The following DOK7 variants were observed in gnomAD, a reference collection of about 807,000 sequenced individuals.
DOK7 encodes docking protein 7.
In DOK7, 32 loss-of-function variants were observed where a neutral mutation model predicts 30.7. The ratio of observed to expected loss-of-function variants is 1.04; its 90% confidence interval spans 0.79 to 1.40. DOK7 has a LOEUF of 1.40. Ranked by LOEUF, DOK7 falls within the 40% of genes most tolerant of loss-of-function variation. DOK7 has a pLI of 0.00. For synonymous variants in DOK7, 447 were observed against 324.1 expected, an observed-to-expected ratio of 1.38 and a Z score of -4.07; for missense variants, 1,007 against 699.2, an observed-to-expected ratio of 1.44 and a Z score of -4.97.
At chr4:3,490,609 T>TGCTCATTCATTCCTTCCTCTGCTCCCCCC (rs1728277709) in intron 6 of DOK7, among the ~76,000 whole-genome samples, 1 of 130,640 alleles carries the variant, frequency 7.7e-6, no homozygotes, top group Non-Finnish European at 1.6e-5. Context: ...CTTCTCTCCC[T>TGCTCATTCATTCCTTCCTCTGCTCCCCCC]GCTCGTTCAT....
At chr4:3,471,938 T>C (rs1349895164) in intron 2 of DOK7, among the ~76,000 whole-genome samples, 1 of 152,264 alleles carries the variant, frequency 6.6e-6, no homozygotes, top group African/African-American at 2.4e-5. Context: ...CACCACGCCT[T>C]GCTTTTGTGA....
intron 6 of DOK7, among the ~76,000 whole-genome samples, chr4:3,499,590 G>C (rs572608816): frequency 6.6e-6 from 1 of 152,216 alleles, no homozygotes; most frequent in Admixed American, 6.5e-5. Context: ...CTCCTGCTCT[G>C]CCCTCCCCAG....
At chr4:3,475,112 G>T (rs1726987550) in intron 3 of DOK7, among the ~76,000 whole-genome samples, 1 of 152,236 alleles carries the variant, frequency 6.6e-6, no homozygotes, top group Non-Finnish European at 1.5e-5. Flanking sequence ...GAAGCTGGGG[G>T]CTTAGTGGGA....
At chr4:3,485,727 G>T (rs1727738574) in intron 5 of DOK7, 69 bp downstream of exon 5, 1 of 1,413,696 alleles carries the variant, frequency 7.1e-7, no homozygotes, top group Non-Finnish European at 9.3e-7. Context: ...CGGGGCGGGG[G>T]GCCACAGTGA....
Position 3,493,054 on chromosome 4 carries a change from G to A in DOK7, c.1068G>A (p.Ala356=), listed in dbSNP as rs372407972. The change falls in exon 7 of 7, where the codon GCG becomes GCA. Residue 356 remains alanine (A), a synonymous_variant. Coordinates refer to ENST00000340083, the MANE Select transcript of DOK7 (RefSeq NM_173660.5). ...ACTCCAGCAGCCTCTCGTCCTACGC[G>A]GGCAGCAGCCTGGACGTGTGGCGGG... The part of the protein sequence containing the change: ...SSYSSSLSSY[A]GSSLDVWRAT... 67 of 1,574,598 alleles carry A rather than the reference G, an allele frequency of 4.3e-5. No homozygotes were observed. Among genetic ancestry groups the A allele is most frequent in the East Asian group, 9.2e-5 (4 of 43,290 alleles).
chr4:3,495,576 C>T (rs547755888), downstream of DOK7, among the ~76,000 whole-genome samples: 99 of 152,374 alleles, frequency 6.5e-4, 1 homozygote, highest in South Asian at 0.017. Flanking sequence ...CCGGCCACCG[C>T]CTGCTACGGC....
chr4:3,488,945 G>C (rs571074100), intron 5 of DOK7, among the ~76,000 whole-genome samples: 1 of 152,248 alleles, frequency 6.6e-6, no homozygotes, highest in African/African-American at 2.4e-5. Flanking sequence ...CAGCATGGGC[G>C]GGGGCTTGGG....
intron 4 of DOK7, among the ~76,000 whole-genome samples, chr4:3,479,507 C>G (rs1354974540): frequency 1.3e-5 from 2 of 152,248 alleles, no homozygotes; most frequent in African/African-American, 4.8e-5. Context: ...TGGGAAGGCC[C>G]TGGAAGTTCT....
intron 5 of DOK7, among the ~76,000 whole-genome samples, chr4:3,486,120 C>T (rs530288809): frequency 6.6e-6 from 1 of 152,330 alleles, no homozygotes; most frequent in South Asian, 2.1e-4. Context: ...AAGGCCACCT[C>T]GGGAGGTCCC....
exon 7 of DOK7, chr4:3,500,357 G>A (rs1729129191): frequency 6.5e-7 from 1 of 1,535,958 alleles, no homozygotes; most frequent in South Asian, 1.2e-5. Context: ...GAAAGCAGCT[G>A]CACTACATGG....
chr4:3,491,268 TTCATTCATTCCTTCCTCCGCCCCCCCGC>T lies in DOK7; in HGVS notation c.773-1478_773-1451del, dbSNP rs200332037. Among the ~76,000 whole-genome samples, 234 of 87,050 alleles carry T rather than the reference TTCATTCATTCCTTCCTCCGCCCCCCCGC, an allele frequency of 2.7e-3. 4 individuals carry two copies. Among genetic ancestry groups the T allele is most frequent in the African/African-American group, 8.6e-3 (186 of 21,736 alleles). The allele number at this position is 87,050 out of a possible 152,430, so 57.1% of individuals were successfully genotyped here. ...CCTTCTCCCCTTGCTCATTCATTCC[TTCATTCATTCCTTCCTCCGCCCCCCCGC>T]TCATTCATTCCTGCCTTCTCCCCCT... On this transcript the variant is annotated intron_variant, in intron 6 of 6. Transcript: ENST00000340083.
chr4:3,500,244 C>A, intron 6 of DOK7: 1 of 1,535,212 alleles, frequency 6.5e-7, no homozygotes, highest in African/African-American at 1.4e-5. Context: ...AGCCGCTCCC[C>A]CCACAGGATC....
intron 2 of DOK7, among the ~76,000 whole-genome samples, chr4:3,471,868 C>T (rs1560208663): frequency 1.3e-5 from 2 of 152,248 alleles, no homozygotes; most frequent in South Asian, 2.1e-4. Flanking sequence ...TAGCTGTAAA[C>T]GTTTCAGACG....
At chr4:3,489,151 C>A (rs12510300) in intron 5 of DOK7, among the ~76,000 whole-genome samples, 1 of 152,006 alleles carries the variant, frequency 6.6e-6, no homozygotes, top group African/African-American at 2.4e-5. Context: ...CGAGGGTCCG[C>A]AGACCACCAT....
chr4:3,465,634 GT>G (rs1726221033), intron 2 of DOK7, among the ~76,000 whole-genome samples: 2 of 152,262 alleles, frequency 1.3e-5, no homozygotes, highest in Non-Finnish European at 2.9e-5. Context: ...TTATGACAAG[GT>G]TTAGCGAATG....
chr4:3,484,823 G>A (rs916929060), intron 4 of DOK7: 7 of 985,464 alleles, frequency 7.1e-6, no homozygotes, highest in Middle Eastern at 5.2e-4. Flanking sequence ...CAGCAGTGAC[G>A]GCTGCAGCAT....
At chr4:3,472,514 G>T (rs796150407) in intron 2 of DOK7, among the ~76,000 whole-genome samples, 1 of 152,238 alleles carries the variant, frequency 6.6e-6, no homozygotes, top group African/African-American at 2.4e-5. Flanking sequence ...GAGCCATGCC[G>T]GGAGGGCCGG....
At chr4:3,476,665 C>A in intron 4 of DOK7, 123 bp downstream of exon 4, 3 of 1,264,280 alleles carry the variant, frequency 2.4e-6, no homozygotes, top group South Asian at 1.2e-5. Flanking sequence ...CAGAATGCGC[C>A]GGCAGGTGGA....
chr4:3,496,860 C>T, downstream of DOK7: 1 of 1,533,242 alleles, frequency 6.5e-7, no homozygotes, highest in Non-Finnish European at 8.7e-7. Context: ...ACAGCACATT[C>T]AGGTAGGCAC....
Sources: gnomAD v4.1 joint callset for allele counts (sites outside exome capture counted in the v4.1 genomes callset) on GRCh38, gnomAD v4.1.1 for gene constraint, MANE v1.5 for transcripts, NCBI Gene and HGNC (gene_info 2026-07-23, HGNC 2026-07-21) for gene names.